Variants in RBFOX1 observed in about 807,000 individuals in gnomAD.
The protein encoded by RBFOX1 is RNA binding protein fox-1 homolog 1.
A neutral mutation model predicts 57.7 loss-of-function variants in RBFOX1; 8 were observed. The observed-to-expected ratio is 0.14, with a 90% CI of 0.08 to 0.25. The LOEUF is 0.25. Ranked by LOEUF, RBFOX1 falls within the 10% of genes least tolerant of loss-of-function variation. RBFOX1 has a pLI of 1.00. For synonymous variants in RBFOX1, 326 were observed against 222.4 expected, an observed-to-expected ratio of 1.47 and a Z score of -4.15; for missense variants, 611 against 548.5, an observed-to-expected ratio of 1.11 and a Z score of -1.14.
chr16:7,128,027 C>G (rs949027034), intron 4 of RBFOX1, among the ~76,000 whole-genome samples: 1 of 152,166 alleles, frequency 6.6e-6, no homozygotes, highest in Non-Finnish European at 1.5e-5. Context: ...TTTCTTGGCT[C>G]AGCTTTTCAG....
At chr16:6,129,119 A>G (rs936683897) in intron 1 of RBFOX1, among the ~76,000 whole-genome samples, 18 of 152,230 alleles carry the variant, frequency 1.2e-4, no homozygotes, top group Admixed American at 3.9e-4. Context: ...ATACCACAAA[A>G]TTTATTAAAC....
intron 1 of RBFOX1, among the ~76,000 whole-genome samples, chr16:6,182,312 C>G (rs1235024120): frequency 5.3e-5 from 8 of 152,206 alleles, no homozygotes; most frequent in African/African-American, 1.4e-4. Context: ...TTCTCTCTCA[C>G]TTTCATAAAG....
intron 2 of RBFOX1, among the ~76,000 whole-genome samples, chr16:6,556,788 A>G (rs563097609): frequency 7.4e-4 from 112 of 152,078 alleles, no homozygotes; most frequent in South Asian, 3.1e-3. Flanking sequence ...TATGACTTAG[A>G]CCTGAAGAGG....
chr16:6,195,376 G>C (rs983292763), intron 1 of RBFOX1, among the ~76,000 whole-genome samples: 3 of 152,010 alleles, frequency 2.0e-5, no homozygotes, highest in Non-Finnish European at 4.4e-5. Flanking sequence ...GTATCTTTCC[G>C]TCTTCTGGAC....
chr16:7,639,683 T>C (rs529670111), intron 11 of RBFOX1, among the ~76,000 whole-genome samples: 4 of 152,278 alleles, frequency 2.6e-5, no homozygotes, highest in Non-Finnish European at 5.9e-5. Flanking sequence ...AGGAGACTTA[T>C]TCACTGTTAG....
At chr16:6,561,600 TAGG>T (rs1167049696) in intron 2 of RBFOX1, among the ~76,000 whole-genome samples, 1 of 152,214 alleles carries the variant, frequency 6.6e-6, no homozygotes, top group East Asian at 1.9e-4. Context: ...AAACCAATTT[TAGG>T]AGGAAAATTC....
At chr16:7,384,094 TATAA>T (rs1568540221) in intron 4 of RBFOX1, among the ~76,000 whole-genome samples, 3 of 151,660 alleles carry the variant, frequency 2.0e-5, no homozygotes, top group Non-Finnish European at 4.4e-5. Context: ...GAAACATCAG[TATAA>T]ATAGTGAGAA....
At chr16:7,201,919 G>C (rs1289997118) in intron 4 of RBFOX1, among the ~76,000 whole-genome samples, 2 of 152,186 alleles carry the variant, frequency 1.3e-5, no homozygotes, top group South Asian at 2.1e-4. Flanking sequence ...ATGTACGAGG[G>C]ATTTATTTCA....
At chr16:6,710,268 C>G (rs538151915) in intron 3 of RBFOX1, among the ~76,000 whole-genome samples, 3 of 152,194 alleles carry the variant, frequency 2.0e-5, no homozygotes, top group East Asian at 1.9e-4. Context: ...ATAGCATTGT[C>G]TAGAAGAACA....
rs140637312 is a variant in RBFOX1 at position 6,504,756 on chromosome 16, A to G, written c.-63-149847A>G. On this transcript the variant is annotated intron_variant, in intron 2 of 15. Transcript: ENST00000550418. ...TAAAGTGCATCAAATCGGCACTTCT[A>G]TTTAAAAAACAAAGTCTGGCCAGGT... Among the ~76,000 whole-genome samples, 199 of 152,254 alleles carry G rather than the reference A, an allele frequency of 1.3e-3. 1 individual carries two copies. Among genetic ancestry groups the G allele is most frequent in the African/African-American group, 4.4e-3 (182 of 41,560 alleles).
At chr16:6,107,846 A>G (rs1027745304) in intron 1 of RBFOX1, among the ~76,000 whole-genome samples, 2 of 152,152 alleles carry the variant, frequency 1.3e-5, no homozygotes, top group Non-Finnish European at 2.9e-5. Context: ...CTGAGAAGGA[A>G]ATAATTAATA....
At chr16:7,032,471 TAAA>T (rs769983794) in intron 3 of RBFOX1, among the ~76,000 whole-genome samples, 1 of 151,874 alleles carries the variant, frequency 6.6e-6, no homozygotes, top group Non-Finnish European at 1.5e-5. Flanking sequence ...AAATAAATAA[TAAA>T]AATCCCATCT....
rs559381994 is a variant in RBFOX1, at chr16:6,229,377, A to G, written c.-126-87618A>G. On this transcript the variant is annotated intron_variant, in intron 1 of 15. Transcript: ENST00000550418. ...GATCTCTCCTGCCACTAGGCTCACAAGGACTCTTGTGGATCTCGTTTTCCC... is the reference window on the plus strand; with the variant it reads ...GATCTCTCCTGCCACTAGGCTCACAGGGACTCTTGTGGATCTCGTTTTCCC... Among the ~76,000 whole-genome samples, 18 of 152,310 alleles carry G rather than the reference A, an allele frequency of 1.2e-4. No homozygotes were observed. In the East Asian group the frequency reaches 3.5e-3, roughly 29 times the overall value.
At chr16:6,727,689 T>C (rs1381242969) in intron 3 of RBFOX1, among the ~76,000 whole-genome samples, 1 of 152,182 alleles carries the variant, frequency 6.6e-6, no homozygotes, top group African/African-American at 2.4e-5. Flanking sequence ...TACTTACAAA[T>C]GTCCCTGGTA....
At chr16:7,484,997 G>C (rs17674860) in intron 4 of RBFOX1, among the ~76,000 whole-genome samples, 1 of 151,800 alleles carries the variant, frequency 6.6e-6, no homozygotes, top group South Asian at 2.1e-4. Context: ...TCATAACTCA[G>C]TTGCATTTTT....
intron 4 of RBFOX1, among the ~76,000 whole-genome samples, chr16:7,346,409 C>T (rs866793551): frequency 5.3e-5 from 8 of 151,958 alleles, no homozygotes; most frequent in African/African-American, 1.9e-4. Context: ...CATTAAGGAG[C>T]ATTTTGTACA....
At chr16:7,286,418 A>C (rs2095651861) in intron 4 of RBFOX1, among the ~76,000 whole-genome samples, 1 of 151,258 alleles carries the variant, frequency 6.6e-6, no homozygotes, top group Non-Finnish European at 1.5e-5. Flanking sequence ...TCAGAGTGGG[A>C]ATTTGGGTTT....
chr16:6,273,673 C>T (rs2075482243), intron 1 of RBFOX1, among the ~76,000 whole-genome samples: 1 of 151,850 alleles, frequency 6.6e-6, no homozygotes, highest in African/African-American at 2.4e-5. Flanking sequence ...GCACCAAAAG[C>T]ACAGTTCATA....
intron 3 of RBFOX1, among the ~76,000 whole-genome samples, chr16:6,799,489 T>G (rs749312981): frequency 2.6e-5 from 4 of 152,108 alleles, no homozygotes; most frequent in Admixed American, 6.5e-5. Flanking sequence ...GGTGTTAACT[T>G]GATTGGATTG....
Sources: allele counts gnomAD v4.1 joint callset (sites outside exome capture counted in the v4.1 genomes callset), GRCh38; gene constraint gnomAD v4.1.1; transcripts MANE v1.5; gene names NCBI Gene and HGNC (gene_info 2026-07-23, HGNC 2026-07-21).